CECR2: variants seen among roughly 807,000 people sequenced by gnomAD.
CECR2 encodes the protein chromatin remodeling regulator CECR2.
A neutral mutation model predicts 154.5 loss-of-function variants in CECR2; 30 were observed. That is an observed-to-expected ratio of 0.19 (90% CI 0.15 to 0.26). The LOEUF is 0.26. CECR2 is among the 10% of genes least tolerant of loss of function. The pLI is 1.00. For missense variants in CECR2, 1,743 were observed against 1,829.3 expected (o/e 0.95, Z 0.86); for synonymous variants, 725 against 683.7 (o/e 1.06, Z -0.94).
chr22:17,446,508 G>A (rs1034504502), intron 1 of CECR2, among the ~76,000 whole-genome samples: 33 of 152,132 alleles, frequency 2.2e-4, no homozygotes, highest in African/African-American at 7.7e-4. Flanking sequence ...ACGAGGTCAG[G>A]GGATCGAGAC....
chr22:17,488,173 G>C (rs148449898), intron 2 of CECR2, among the ~76,000 whole-genome samples: 1 of 152,092 alleles, frequency 6.6e-6, no homozygotes, highest in African/African-American at 2.4e-5. Context: ...GTGAGCCACC[G>C]CACCCGGCCT....
chr22:17,408,128 G>T (rs1370603718), intron 1 of CECR2, among the ~76,000 whole-genome samples: 1 of 152,114 alleles, frequency 6.6e-6, no homozygotes, highest in Non-Finnish European at 1.5e-5. Flanking sequence ...AATTCAATAT[G>T]TTGTGCAGCT....
chr22:17,361,718 G>A (rs1296847779), intron 1 of CECR2, among the ~76,000 whole-genome samples: 5 of 151,060 alleles, frequency 3.3e-5, no homozygotes. Context: ...ACTCCAGCCT[G>A]GGCAAAAGAG....
intron 1 of CECR2, among the ~76,000 whole-genome samples, chr22:17,449,819 C>G (rs1175996023): frequency 6.6e-6 from 1 of 152,094 alleles, no homozygotes; most frequent in Non-Finnish European, 1.5e-5. Context: ...ACATTTTTGA[C>G]CTGTTCTGTA....
At chr22:17,551,351 A>G in intron 17 of CECR2, among the ~76,000 whole-genome samples, 1 of 152,148 alleles carries the variant, frequency 6.6e-6, no homozygotes. Flanking sequence ...TTTCTGATAA[A>G]GGATCCAATG....
At position 17,557,306 on chromosome 22, in the gene CECR2, TC is replaced by T. The variant is rs2056785112; in HGVS notation, c.*4469del. 2 of 151,906 alleles carry T rather than the reference TC, an allele frequency of 1.3e-5. No homozygotes were observed. Among genetic ancestry groups the T allele is most frequent in the African/African-American group, 4.8e-5 (2 of 41,322 alleles). 9.4% of individuals were successfully genotyped at this position (151,906 alleles called of 1,614,324 possible). On this transcript the variant is annotated 3_prime_UTR_variant, in exon 19 of 19. Transcript: ENST00000262608. ...TGGGACTACAAGCGCGCACCACCAC[TC>T]CCAGCTAATTTTTGTATTTTTAGTA...
chr22:17,450,575 A>C (rs5746397), intron 1 of CECR2, among the ~76,000 whole-genome samples: 17 of 152,166 alleles, frequency 1.1e-4, no homozygotes, highest in Non-Finnish European at 1.8e-4. Flanking sequence ...TAAAACATTG[A>C]AACAGTATAA....
At chr22:17,547,645 C>T (rs9605323) in intron 16 of CECR2, among the ~76,000 whole-genome samples, 2 of 152,120 alleles carry the variant, frequency 1.3e-5, no homozygotes, top group Non-Finnish European at 2.9e-5. Flanking sequence ...ACTGAGAGGA[C>T]AGTGAGACGG....
At chr22:17,413,899 G>A (rs1457399277) in intron 1 of CECR2, among the ~76,000 whole-genome samples, 2 of 149,646 alleles carry the variant, frequency 1.3e-5, no homozygotes, top group Admixed American at 6.8e-5. Flanking sequence ...GGATGGTCTC[G>A]ATCACCTGAC....
At chr22:17,486,621 A>C (rs763340653) in intron 2 of CECR2, among the ~76,000 whole-genome samples, 1 of 152,242 alleles carries the variant, frequency 6.6e-6, no homozygotes, top group Non-Finnish European at 1.5e-5. Flanking sequence ...CCCCAGGAAA[A>C]ACTAGGCCAT....
intron 9 of CECR2, among the ~76,000 whole-genome samples, chr22:17,531,428 C>T (rs2056353875): frequency 6.6e-6 from 1 of 152,206 alleles, no homozygotes; most frequent in Admixed American, 6.5e-5. Flanking sequence ...CCCGTGGTCC[C>T]TCTGATGCTC....
intron 1 of CECR2, among the ~76,000 whole-genome samples, chr22:17,360,454 G>A (rs1328506711): frequency 6.6e-6 from 1 of 152,162 alleles, no homozygotes; most frequent in African/African-American, 2.4e-5. Flanking sequence ...GGCCGAGGCC[G>A]GCAGATCAGT....
At chr22:17,504,687 C>G (rs999426100) in intron 6 of CECR2, among the ~76,000 whole-genome samples, 160 bp from the exon 7 acceptor site, 4 of 150,794 alleles carry the variant, frequency 2.7e-5, no homozygotes, top group Admixed American at 6.6e-5. Context: ...GTGATCCGCC[C>G]GCCTCGGCCT....
rs2056527594 is a variant in CECR2, at chr22:17,541,841, G to A, written c.1887G>A (p.Arg629=). Reference sequence around the variant, plus strand: ...TTGCTTTGTTCAATGTGCTGCAGAGGCCAGCAGTACCAGGAACATTTGGCC... The same window carrying A: ...TTGCTTTGTTCAATGTGCTGCAGAGACCAGCAGTACCAGGAACATTTGGCC... ...PSQAPFLNQM[R]PAVPGTFGPL... The change falls in exon 15 of 19, where the codon AGG becomes AGA. Residue 629 remains arginine (R), a splice_region_variant and synonymous_variant. Coordinates refer to ENST00000262608, the MANE Select transcript of CECR2 (RefSeq NM_001290047.2). 6.2e-7 allele frequency: 1 copy of A among 1,612,596 alleles called. No individual in the cohort carries two copies. The highest frequency in any genetic ancestry group is 1.1e-5 in the South Asian group (1 of 90,868).
At chr22:17,539,428 A>G (rs2056487205) in intron 13 of CECR2, among the ~76,000 whole-genome samples, 1 of 152,142 alleles carries the variant, frequency 6.6e-6, no homozygotes, top group Admixed American at 6.6e-5. Flanking sequence ...TGACTCTTCA[A>G]CCATCTGGGG....
chr22:17,429,972 T>C (rs2054396219), intron 1 of CECR2, among the ~76,000 whole-genome samples: 1 of 152,202 alleles, frequency 6.6e-6, no homozygotes, highest in African/African-American at 2.4e-5. Context: ...TATTGCCAAA[T>C]TGCTATGCAT....
At chr22:17,497,097 C>T (rs1338165917) in intron 2 of CECR2, among the ~76,000 whole-genome samples, 1 of 152,140 alleles carries the variant, frequency 6.6e-6, no homozygotes, top group African/African-American at 2.4e-5. Flanking sequence ...AGCTTGAGAA[C>T]AGCCTGGGCA....
Position 17,423,248 on chromosome 22 carries a change from C to G in CECR2, c.126+53339C>G, listed in dbSNP as rs539846915. Among the ~76,000 whole-genome samples the G allele has an allele frequency of 7.2e-5, 11 of 152,182 alleles. No homozygotes were observed. The East Asian group carries it at 1.9e-3, about 27-fold the overall frequency. On this transcript the variant is annotated intron_variant, in intron 1 of 18. Transcript: ENST00000262608. ...CTTCACACATGCTTCTCTGTTATCC[C>G]CCCACCCTTCATGGGACAAGATGGC...
At chr22:17,405,703 G>A (rs1688877837) in intron 1 of CECR2, among the ~76,000 whole-genome samples, 1 of 150,370 alleles carries the variant, frequency 6.7e-6, no homozygotes, top group Non-Finnish European at 1.5e-5. Flanking sequence ...ATAGCGTTGA[G>A]TTATATTACT....
Sources: gnomAD v4.1 joint callset for allele counts (sites outside exome capture counted in the v4.1 genomes callset) on GRCh38, gnomAD v4.1.1 for gene constraint, MANE v1.5 for transcripts, NCBI Gene and HGNC (gene_info 2026-07-23, HGNC 2026-07-21) for gene names.